INTS13: variants seen among roughly 807,000 people sequenced by gnomAD.
INTS13 encodes asunder, spermatogenesis regulator homolog (Drosphila).
INTS13 carries 35 observed loss-of-function variants against 90.2 expected under a neutral mutation model. The observed-to-expected ratio is 0.39, with a 90% CI of 0.30 to 0.51. The LOEUF (loss-of-function observed/expected upper bound fraction) is 0.51, where lower values mean the gene tolerates loss of function less well. Among genes scored for constraint, INTS13 ranks in the 20% least tolerant of loss-of-function variants. The pLI is 0.80. For synonymous variants in INTS13, 309 were observed against 277.1 expected, an observed-to-expected ratio of 1.11 and a Z score of -1.14; for missense variants, 601 against 851.2, an observed-to-expected ratio of 0.71 and a Z score of 3.66.
At chr12:26,913,789 CT>C in intron 13 of INTS13, 102 bp from the exon 14 acceptor site, 3 of 1,197,972 alleles carry the variant, frequency 2.5e-6, no homozygotes, top group Non-Finnish European at 3.5e-6. Flanking sequence ...CTTCCTCTTA[CT>C]TGGTACTTAA....
At chr12:26,934,236 C>T (rs1938344387) in intron 3 of INTS13, among the ~76,000 whole-genome samples, 2 of 152,104 alleles carry the variant, frequency 1.3e-5, no homozygotes, top group Admixed American at 6.5e-5. Flanking sequence ...GCGCAATGCA[C>T]CCCAGTCTGG....
intron 11 of INTS13, 63 bp downstream of exon 11, chr12:26,915,939 G>A (rs1017824941): frequency 3.0e-5 from 38 of 1,281,528 alleles, no homozygotes; most frequent in Non-Finnish European, 3.6e-5. Flanking sequence ...ACGAGCACTC[G>A]ATAACTACTT....
chr12:26,929,035 C>T (rs1327655801), intron 3 of INTS13, 130 bp from the exon 4 acceptor site: 7 of 770,480 alleles, frequency 9.1e-6, no homozygotes, highest in Non-Finnish European at 1.4e-5. Context: ...AAAATAGTAG[C>T]AAACCAAATC....
chr12:26,908,505 G>A (rs1332224831), intron 15 of INTS13, among the ~76,000 whole-genome samples: 2 of 151,048 alleles, frequency 1.3e-5, no homozygotes, highest in South Asian at 2.1e-4. Context: ...CTTTTTTTCA[G>A]TGCCAATCTA....
Position 26,911,224 on chromosome 12 carries a change from T to C in INTS13, c.1899A>G (p.Lys633=). ...GAGTTTCATCCATTTCAACAAGGGG[T>C]TTTTTGTTTGGAGGTTCTGGGGAAT... ...SPDSPEPPNK[K]PLVEMDETPQ... The change falls in exon 15 of 17, where the codon AAA becomes AAG. Residue 633 remains lysine (K), a synonymous_variant. Transcript: ENST00000261191. The C allele has an allele frequency of 6.2e-7, 1 of 1,613,810 alleles. No individual in the cohort carries two copies. The highest frequency in any genetic ancestry group is 1.1e-5 in the South Asian group (1 of 91,016).
At chr12:26,909,158 C>T (rs1195775260) in intron 15 of INTS13, among the ~76,000 whole-genome samples, 1 of 152,076 alleles carries the variant, frequency 6.6e-6, no homozygotes, top group Admixed American at 6.6e-5. Flanking sequence ...GTCAGGAGTT[C>T]GAGACCAGCC....
At position 26,905,298 on chromosome 12, in the gene INTS13, G is replaced by T; in HGVS notation, c.*199C>A. The T allele has an allele frequency of 1.9e-6, 1 of 519,270 alleles. No individual in the cohort carries two copies. Among genetic ancestry groups the T allele is most frequent in the South Asian group, 2.9e-5 (1 of 33,960 alleles). 32.2% of individuals were successfully genotyped at this position (519,270 alleles called of 1,614,324 possible). A position where few individuals can be genotyped will look rare whatever the true frequency, so the allele number is the denominator to read the frequency against. Reference sequence around the variant, plus strand: ...TAAAATAAACTTGTATAATTTGGGAGGACAAATCATCTCAAATGTATATTT... The same window carrying T: ...TAAAATAAACTTGTATAATTTGGGATGACAAATCATCTCAAATGTATATTT... On this transcript the variant is annotated 3_prime_UTR_variant, in exon 17 of 17. Transcript: ENST00000261191.
chr12:26,934,463 C>A (rs1331501153), intron 3 of INTS13, 93 bp downstream of exon 3: 2 of 936,578 alleles, frequency 2.1e-6, no homozygotes, highest in East Asian at 2.4e-5. Context: ...ATATGCAAAT[C>A]CTAGAGTGAT....
At chr12:26,906,577 A>C in intron 15 of INTS13, 140 bp from the exon 16 acceptor site, 1 of 911,782 alleles carries the variant, frequency 1.1e-6, no homozygotes, top group Non-Finnish European at 1.6e-6. Flanking sequence ...TTCATTTTAC[A>C]CGATTAAGGC....
In INTS13 at chr12:26,924,402, G is replaced by C; in HGVS notation, c.757C>G (p.Gln253Glu). 1 of 1,613,098 alleles carries C rather than the reference G, an allele frequency of 6.2e-7. No homozygotes were observed. The highest frequency in any genetic ancestry group is 8.5e-7 in the Non-Finnish European group (1 of 1,179,362). The change falls in exon 7 of 17, where the codon CAA becomes GAA. Residue 253 changes from glutamine (Q) to glutamate (E), a missense_variant. Coordinates refer to ENST00000261191, the MANE Select transcript of INTS13 (RefSeq NM_018164.3). ...LATKLNILVQ[Q>E]HFDLASTTIT... is the part of the protein sequence containing the mutation. ...GTAGTTGAAGCCAAGTCAAAATGTT[G>C]CTGTACTAAAATATTCAATTTGGTA...
intron 15 of INTS13, among the ~76,000 whole-genome samples, chr12:26,907,259 C>T (rs1394610953): frequency 2.0e-5 from 3 of 151,470 alleles, no homozygotes; most frequent in African/African-American, 4.9e-5. Context: ...GGTGAAAGGA[C>T]GGCCACATAA....
rs776175903 is a variant in INTS13, at chr12:26,934,516, G to C, written c.300+40C>G. Reference sequence around the variant, plus strand: ...TTTTTAAAAAGTATTACCACATTTAGATAATTTACAAATGGCCACAGCTCA... The same window carrying C: ...TTTTTAAAAAGTATTACCACATTTACATAATTTACAAATGGCCACAGCTCA... On this transcript the variant is annotated intron_variant, in intron 3 of 16. Coordinates refer to ENST00000261191, the MANE Select transcript of INTS13 (RefSeq NM_018164.3). 8 of 1,377,466 alleles carry C rather than the reference G, an allele frequency of 5.8e-6. 1 individual carries two copies. Among genetic ancestry groups the C allele is most frequent in the Non-Finnish European group, 8.2e-6 (8 of 971,304 alleles). 85.3% of individuals were successfully genotyped at this position (1,377,466 alleles called of 1,614,324 possible). A position where few individuals can be genotyped will look rare whatever the true frequency, so the allele number is the denominator to read the frequency against.
At chr12:26,934,416 G>A (rs140460865) in intron 3 of INTS13, 140 bp downstream of exon 3, 16,928 of 635,462 alleles carry the variant, frequency 0.027, 349 homozygotes, top group South Asian at 0.064. Flanking sequence ...CCTAGAATGG[G>A]GATAGCTGTT....
chr12:26,924,902 G>T (rs946634624), intron 6 of INTS13, among the ~76,000 whole-genome samples: 3 of 152,096 alleles, frequency 2.0e-5, no homozygotes, highest in African/African-American at 7.2e-5. Flanking sequence ...CTAAAAGAAT[G>T]AATGTGGAAA....
At chr12:26,914,674 G>T in intron 11 of INTS13, 96 bp from the exon 12 acceptor site, 1 of 967,656 alleles carries the variant, frequency 1.0e-6, no homozygotes, top group Non-Finnish European at 1.5e-6. Context: ...CTTCTGTCCT[G>T]TGATGTGCAA....
At chr12:26,922,537 TC>T in intron 8 of INTS13, 78 bp downstream of exon 8, 2 of 1,068,172 alleles carry the variant, frequency 1.9e-6, no homozygotes, top group South Asian at 1.7e-5. Context: ...TGGAATGTCT[TC>T]CCTGAGGATG....
rs546181132 is a variant in INTS13 at position 26,936,448 on chromosome 12, G to A, written c.225+131C>T. On this transcript the variant is annotated intron_variant, in intron 2 of 16. Coordinates refer to ENST00000261191, the MANE Select transcript of INTS13 (RefSeq NM_018164.3). ...ATATCCATTATATATTAATCCCAAA[G>A]GGCAGCGTTATGTACCACATTTTTA... 141 of 655,474 alleles carry A rather than the reference G, an allele frequency of 2.2e-4. 1 individual carries two copies. The Admixed American group carries it at 4.0e-3, about 19-fold the overall frequency. The allele number at this position is 655,474 out of a possible 1,614,324, so 40.6% of individuals were successfully genotyped here. A position where few individuals can be genotyped will look rare whatever the true frequency, so the allele number is the denominator to read the frequency against.
At position 26,911,254 on chromosome 12, in the gene INTS13, C is replaced by T. The variant is rs548295988; in HGVS notation, c.1869G>A (p.Ser623=). 6.2e-6 allele frequency: 10 copies of T among 1,613,840 alleles called. No homozygotes were observed. In the East Asian group the frequency reaches 6.7e-5, roughly 11 times the overall value. Reference sequence around the variant, plus strand: ...TGTTTGGAGGTTCTGGGGAATCAGGCGAATCTTTTATAATCTCAGCTTCAG... The same window carrying T: ...TGTTTGGAGGTTCTGGGGAATCAGGTGAATCTTTTATAATCTCAGCTTCAG... ...ELAEAEIIKD[S]PDSPEPPNKK... The change falls in exon 15 of 17, where the codon TCG becomes TCA. Residue 623 remains serine (S), a synonymous_variant. Transcript: ENST00000261191.
chr12:26,908,679 A>G (rs1372165220), intron 15 of INTS13, among the ~76,000 whole-genome samples: 1 of 152,166 alleles, frequency 6.6e-6, no homozygotes. Context: ...CTGGAAAGTC[A>G]TTTTCCAAAG....
Sources: gnomAD v4.1 joint callset for allele counts (sites outside exome capture counted in the v4.1 genomes callset) on GRCh38, gnomAD v4.1.1 for gene constraint, MANE v1.5 for transcripts, NCBI Gene and HGNC (gene_info 2026-07-23, HGNC 2026-07-21) for gene names.